The following GCNT2 variants were observed in gnomAD, a reference collection of about 807,000 sequenced individuals.
GCNT2 encodes N-acetyllactosaminide beta-1,6-N-acetylglucosaminyl-transferase.
Under a neutral mutation model 34.2 loss-of-function variants are expected in GCNT2, and 34 were observed. The observed-to-expected ratio is 1.00, with a 90% CI of 0.76 to 1.32. The LOEUF (loss-of-function observed/expected upper bound fraction) is 1.32, where lower values mean the gene tolerates loss of function less well. Among genes scored for constraint, GCNT2 ranks in the 40% most tolerant of loss-of-function variants. The pLI, the probability that GCNT2 is intolerant of heterozygous loss-of-function variation, is 0.00. For synonymous variants in GCNT2, 212 were observed against 188.0 expected (o/e 1.13, Z -1.04); for missense variants, 584 against 489.4 (o/e 1.19, Z -1.82).
intron 3 of GCNT2, among the ~76,000 whole-genome samples, chr6:10,598,928 A>T (rs1320355082): frequency 6.6e-6 from 1 of 152,230 alleles, no homozygotes; most frequent in Non-Finnish European, 1.5e-5. Flanking sequence ...ATGAATACAT[A>T]TCAAGTGCCT....
intron 3 of GCNT2, among the ~76,000 whole-genome samples, chr6:10,546,796 TGTAAAC>T (rs1438309663): frequency 6.6e-6 from 1 of 152,038 alleles, no homozygotes; most frequent in Non-Finnish European, 1.5e-5. Context: ...ATTTTAAAAA[TGTAAAC>T]AGTACACAAA....
intron 3 of GCNT2, among the ~76,000 whole-genome samples, chr6:10,531,069 T>C (rs1373758814): frequency 6.6e-6 from 1 of 150,690 alleles, no homozygotes; most frequent in Middle Eastern, 3.2e-3. Context: ...ATTTCTAGAC[T>C]AGTACCTCCA....
At chr6:10,609,428 A>G (rs767163893) in intron 3 of GCNT2, among the ~76,000 whole-genome samples, 2 of 152,226 alleles carry the variant, frequency 1.3e-5, no homozygotes, top group African/African-American at 4.8e-5. Flanking sequence ...AAATAATGAC[A>G]TTAGTCCATT....
chr6:10,592,063 C>A (rs551808076), intron 3 of GCNT2, among the ~76,000 whole-genome samples: 1 of 152,256 alleles, frequency 6.6e-6, no homozygotes, highest in Non-Finnish European at 1.5e-5. Flanking sequence ...TAATTACAAA[C>A]GTTGAATGAT....
At chr6:10,595,961 T>C (rs1395358584) in intron 3 of GCNT2, among the ~76,000 whole-genome samples, 1 of 152,234 alleles carries the variant, frequency 6.6e-6, no homozygotes, top group African/African-American at 2.4e-5. Context: ...ATGACAAATC[T>C]TTGAGTTGAC....
intron 3 of GCNT2, among the ~76,000 whole-genome samples, chr6:10,580,934 A>C (rs1465805933): frequency 6.6e-6 from 1 of 152,182 alleles, no homozygotes; most frequent in African/African-American, 2.4e-5. Context: ...TGACCGTAAA[A>C]GTTATCCTGG....
At chr6:10,530,840 G>A (rs964307861) in intron 3 of GCNT2, among the ~76,000 whole-genome samples, 1 of 151,994 alleles carries the variant, frequency 6.6e-6, no homozygotes, top group Admixed American at 6.6e-5. Context: ...GGATCACAAG[G>A]TCAGGAGTTC....
In GCNT2 at chr6:10,529,460, C is replaced by G. The variant is rs541962993; in HGVS notation, c.549C>G (p.Pro183=). ...CLEDLVASEV[P]WKYVINTCGQ... is the part of the protein sequence containing the mutation. The stretch of plus-strand genomic sequence containing the variant: ...AAGACCTTGTGGCCTCTGAAGTTCC[C>G]TGGAAGTATGTCATCAACACCTGCG... The change falls in exon 3 of 5, where the codon CCC becomes CCG. Residue 183 remains proline (P), a synonymous_variant. Transcript: ENST00000495262. 1 of 1,614,148 alleles carries G rather than the reference C, an allele frequency of 6.2e-7. No individual in the cohort carries two copies. The highest frequency in any genetic ancestry group is 8.5e-7 in the Non-Finnish European group (1 of 1,180,004).
At chr6:10,604,703 A>C (rs924471056) in intron 3 of GCNT2, among the ~76,000 whole-genome samples, 9 of 151,994 alleles carry the variant, frequency 5.9e-5, no homozygotes, top group Non-Finnish European at 1.2e-4. Context: ...TCTACGAAAA[A>C]TACAAAAATT....
chr6:10,607,509 A>G (rs1327874310), intron 3 of GCNT2, among the ~76,000 whole-genome samples: 1 of 152,136 alleles, frequency 6.6e-6, no homozygotes, highest in Admixed American at 6.6e-5. Flanking sequence ...CCCAGCTCCA[A>G]CGCTGAGGAT....
chr6:10,541,302 T>G (rs574157287), intron 3 of GCNT2, among the ~76,000 whole-genome samples: 2 of 152,334 alleles, frequency 1.3e-5, no homozygotes, highest in South Asian at 4.1e-4. Flanking sequence ...CTGAGAATAA[T>G]GTCTTCCAAC....
At chr6:10,612,551 G>A (rs746144433) in intron 3 of GCNT2, among the ~76,000 whole-genome samples, 3 of 152,090 alleles carry the variant, frequency 2.0e-5, no homozygotes, top group Non-Finnish European at 4.4e-5. Flanking sequence ...TAAAAAAAGC[G>A]GTCTTTTCCA....
chr6:10,549,563 CTTTTTTTTTTT>C (rs33909973), intron 3 of GCNT2, among the ~76,000 whole-genome samples: 6 of 104,300 alleles, frequency 5.8e-5, no homozygotes, highest in South Asian at 6.2e-4. Context: ...ATCTCTCTCT[CTTTTTTTTTTT>C]TTTTTTTTTT....
intron 3 of GCNT2, among the ~76,000 whole-genome samples, chr6:10,550,282 TGCCTTG>T (rs1304981816): frequency 6.6e-6 from 1 of 152,070 alleles, no homozygotes; most frequent in Admixed American, 6.6e-5. Flanking sequence ...TTGAACTCCT[TGCCTTG>T]GCCTCCCAAA....
intron 3 of GCNT2, among the ~76,000 whole-genome samples, chr6:10,555,302 GAAGAT>G (rs1305845588): frequency 6.6e-5 from 10 of 152,234 alleles, no homozygotes; most frequent in African/African-American, 2.2e-4. Context: ...GTGGAAAGTT[GAAGAT>G]GAGAACTTTC....
At chr6:10,578,450 T>TA (rs1164406676) in intron 3 of GCNT2, among the ~76,000 whole-genome samples, 1 of 141,026 alleles carries the variant, frequency 7.1e-6, no homozygotes, top group East Asian at 2.0e-4. Flanking sequence ...ACATTCTTTT[T>TA]TTTTTTTTTT....
chr6:10,565,073 G>C (rs1763216994), intron 3 of GCNT2, among the ~76,000 whole-genome samples: 1 of 152,228 alleles, frequency 6.6e-6, no homozygotes, highest in East Asian at 1.9e-4. Flanking sequence ...CCACGCACTT[G>C]TGAAAGAGGT....
chr6:10,521,721 G>A (rs1202299375), intron 1 of GCNT2: 1 of 151,766 alleles, frequency 6.6e-6, no homozygotes, highest in Non-Finnish European at 1.5e-5. Context: ...TACTGGGCAC[G>A]AGGGTTTTCC....
At chr6:10,622,071 C>G (rs1159465694) in intron 4 of GCNT2, among the ~76,000 whole-genome samples, 1 of 152,114 alleles carries the variant, frequency 6.6e-6, no homozygotes, top group African/African-American at 2.4e-5. Flanking sequence ...GGAGAGCTGT[C>G]GGGGTTTGCA....
Sources: gnomAD v4.1 joint callset for allele counts (sites outside exome capture counted in the v4.1 genomes callset) on GRCh38, gnomAD v4.1.1 for gene constraint, MANE v1.5 for transcripts, NCBI Gene and HGNC (gene_info 2026-07-23, HGNC 2026-07-21) for gene names.